ZBTB38: variants seen among roughly 807,000 people sequenced by gnomAD.
The protein encoded by ZBTB38 is zinc finger and BTB domain-containing protein 38.
In ZBTB38, 20 loss-of-function variants were observed where a neutral mutation model predicts 76.8. That is an observed-to-expected ratio of 0.26 (90% CI 0.18 to 0.38). The LOEUF is 0.38. ZBTB38 is among the 10% of genes least tolerant of loss of function. The pLI is 1.00. For synonymous variants in ZBTB38, 504 were observed against 544.2 expected, an observed-to-expected ratio of 0.93 and a Z score of 1.03; for missense variants, 1,082 against 1,482.3, an observed-to-expected ratio of 0.73 and a Z score of 4.43.
chr3:141,338,505 G>C (rs766220411), intron 1 of ZBTB38, among the ~76,000 whole-genome samples: 2 of 152,214 alleles, frequency 1.3e-5, no homozygotes, highest in Admixed American at 6.5e-5. Flanking sequence ...AACATGGATA[G>C]AGCTGGAGGC....
At chr3:141,410,981 A>G (rs1274736661) in intron 5 of ZBTB38, among the ~76,000 whole-genome samples, 1 of 152,138 alleles carries the variant, frequency 6.6e-6, no homozygotes, top group East Asian at 1.9e-4. Context: ...CCGTGAAGGC[A>G]GGCTTTGTGC....
At chr3:141,409,271 C>G (rs1315053252) in intron 5 of ZBTB38, among the ~76,000 whole-genome samples, 1 of 152,098 alleles carries the variant, frequency 6.6e-6, no homozygotes, top group African/African-American at 2.4e-5. Flanking sequence ...GTCTCAAACT[C>G]CTGACCTCAG....
intron 4 of ZBTB38, among the ~76,000 whole-genome samples, chr3:141,390,228 TTGA>T (rs1363396010): frequency 6.6e-6 from 1 of 152,204 alleles, no homozygotes; most frequent in African/African-American, 2.4e-5. Flanking sequence ...AAAATGCTTC[TTGA>T]TGATTGTAGA....
chr3:141,341,511 T>C (rs1233379034), intron 1 of ZBTB38, among the ~76,000 whole-genome samples: 1 of 152,228 alleles, frequency 6.6e-6, no homozygotes, highest in South Asian at 2.1e-4. Context: ...TGGAATATTA[T>C]TCAGGAGAAT....
intron 5 of ZBTB38, among the ~76,000 whole-genome samples, chr3:141,440,767 G>T (rs528443376): frequency 4.6e-5 from 7 of 152,142 alleles, no homozygotes; most frequent in Non-Finnish European, 8.8e-5. Flanking sequence ...TGGGTGCAGT[G>T]GCTCACACCT....
intron 1 of ZBTB38, among the ~76,000 whole-genome samples, chr3:141,343,675 A>G (rs988981658): frequency 6.6e-6 from 1 of 152,234 alleles, no homozygotes. Context: ...GGACCGACAC[A>G]GAAAATGGAC....
chr3:141,437,165 C>T (rs114802788), intron 5 of ZBTB38, among the ~76,000 whole-genome samples: 2,817 of 152,138 alleles, frequency 0.019, 45 homozygotes, highest in South Asian at 0.03. Context: ...TTTTCAAGTT[C>T]CATTCGCAGA....
chr3:141,384,596 C>T (rs1434698070), intron 3 of ZBTB38, among the ~76,000 whole-genome samples: 2 of 152,188 alleles, frequency 1.3e-5, no homozygotes, highest in African/African-American at 4.8e-5. Context: ...CACAGATGAC[C>T]GTATATTGAA....
rs370367295 is a variant in ZBTB38 at position 141,421,957 on chromosome 3, G to C, written c.-1+17926G>C. On this transcript the variant is annotated intron_variant, in intron 5 of 5. Transcript: ENST00000321464. ...TCTTGTGGACACAGCACTGTGAACT[G>C]GGGATGGGCTGTGGTCATCAAATCT... is the stretch of plus-strand genomic sequence containing the variant. Among the ~76,000 whole-genome samples, 3 of 152,200 alleles carry C rather than the reference G, an allele frequency of 2.0e-5. No individual in the cohort carries two copies. In the East Asian group the frequency reaches 5.8e-4, roughly 29 times the overall value.
intron 1 of ZBTB38, among the ~76,000 whole-genome samples, chr3:141,351,871 G>A (rs1306314218): frequency 6.6e-6 from 1 of 151,960 alleles, no homozygotes; most frequent in East Asian, 1.9e-4. Flanking sequence ...ATTTTTGAGG[G>A]GTTTTTAAAT....
In ZBTB38 at chr3:141,446,201, A is replaced by C; in HGVS notation, c.*225A>C. 1 of 354,830 alleles carries C rather than the reference A, an allele frequency of 2.8e-6. No individual in the cohort carries two copies. Among genetic ancestry groups the C allele is most frequent in the Non-Finnish European group, 5.0e-6 (1 of 199,128 alleles). The allele number at this position is 354,830 out of a possible 1,614,324, so 22.0% of individuals were successfully genotyped here. A position where few individuals can be genotyped will look rare whatever the true frequency, so the allele number is the denominator to read the frequency against. ...AAACAAAATAGCTGACTCCTCCAATATCCCAAGTTTCTTGTGAAAGTTAAT... is the reference window on the plus strand; with the variant it reads ...AAACAAAATAGCTGACTCCTCCAATCTCCCAAGTTTCTTGTGAAAGTTAAT... On this transcript the variant is annotated 3_prime_UTR_variant, in exon 6 of 6. Transcript: ENST00000321464.
rs1333045511 is a variant in ZBTB38, at chr3:141,425,431, AAAGTAG to A, written c.1-16955_1-16950del. 3.9e-5 allele frequency among the ~76,000 whole-genome samples: 6 copies of A among 152,386 alleles called. No homozygotes were observed. The South Asian group carries it at 1.0e-3, about 26-fold the overall frequency. On this transcript the variant is annotated intron_variant, in intron 5 of 5. Transcript: ENST00000321464. ...TCACATTTTTTAAGAAAATGAATTA[AAAGTAG>A]AATTTATGGAAAATACTGAATTTCC...
At position 141,447,422 on chromosome 3, in the gene ZBTB38, C is replaced by T. The variant is rs550187910; in HGVS notation, c.*1446C>T. 1.3e-5 allele frequency: 2 copies of T among 152,692 alleles called. No homozygotes were observed. The highest frequency in any genetic ancestry group is 4.2e-4 in the South Asian group (2 of 4,816). 9.5% of individuals were successfully genotyped at this position (152,692 alleles called of 1,614,324 possible). A position where few individuals can be genotyped will look rare whatever the true frequency, so the allele number is the denominator to read the frequency against. ...TTTTTTTTTTATGTTCTTTGACCCA[C>T]ACCATCAACACTACCCTCAAATCTA... On this transcript the variant is annotated 3_prime_UTR_variant, in exon 6 of 6. Coordinates refer to ENST00000321464, the MANE Select transcript of ZBTB38 (RefSeq NM_001376113.1).
rs1184627493 is a variant in ZBTB38, at chr3:141,381,318, A to T, written c.-234-107A>T. The stretch of plus-strand genomic sequence containing the variant: ...CCCACCAGAGGATTTGAGTTGGGTT[A>T]GGATGGGTTGAGATGTTGTCTACCA... On this transcript the variant is annotated intron_variant, in intron 2 of 5. Transcript: ENST00000321464. The T allele has an allele frequency of 2.0e-5, 3 of 152,280 alleles. No homozygotes were observed. In the East Asian group the frequency reaches 5.8e-4, roughly 29 times the overall value. 9.4% of individuals were successfully genotyped at this position (152,280 alleles called of 1,614,324 possible).
chr3:141,353,907 C>T (rs1281318396), intron 1 of ZBTB38, among the ~76,000 whole-genome samples: 1 of 152,118 alleles, frequency 6.6e-6, no homozygotes, highest in African/African-American at 2.4e-5. Flanking sequence ...CAAGTGTGGT[C>T]TTGCAGAACA....
rs141226243 is a variant in ZBTB38, at chr3:141,413,943, T to C, written c.-1+9912T>C. Among the ~76,000 whole-genome samples the C allele has an allele frequency of 4.1e-3, 618 of 152,314 alleles. 3 individuals carry two copies. Among genetic ancestry groups the C allele is most frequent in the African/African-American group, 0.014 (594 of 41,574 alleles). On this transcript the variant is annotated intron_variant, in intron 5 of 5. Coordinates refer to ENST00000321464, the MANE Select transcript of ZBTB38 (RefSeq NM_001376113.1). The surrounding 1 kb of genome is among the most constrained non-coding windows in gnomAD (Gnocchi z 4.1). ...TATGTCACCCAAATATATTCTGTGG[T>C]AAGGCTTCTCAACACCTGTTCTTCA...
intron 1 of ZBTB38, among the ~76,000 whole-genome samples, chr3:141,334,176 A>G (rs527452653): frequency 6.6e-6 from 1 of 152,064 alleles, no homozygotes; most frequent in South Asian, 2.1e-4. Context: ...GTTTGCATTC[A>G]GGATCATGTT....
intron 3 of ZBTB38, among the ~76,000 whole-genome samples, chr3:141,385,492 G>C (rs1401324298): frequency 6.6e-6 from 1 of 152,064 alleles, no homozygotes; most frequent in Non-Finnish European, 1.5e-5. Context: ...AATTTTGCTA[G>C]CAAGCTATGC....
At chr3:141,371,721 T>C (rs1944636320) in intron 2 of ZBTB38, among the ~76,000 whole-genome samples, 1 of 152,236 alleles carries the variant, frequency 6.6e-6, no homozygotes, top group South Asian at 2.1e-4. Flanking sequence ...TATATATGTC[T>C]AGCTTTTTAT....
Sources: gnomAD v4.1 joint callset for allele counts (sites outside exome capture counted in the v4.1 genomes callset) on GRCh38, gnomAD v4.1.1 for gene constraint, Gnocchi (gnomAD v3.1) non-coding constraint, MANE v1.5 for transcripts, NCBI Gene and HGNC (gene_info 2026-07-23, HGNC 2026-07-21) for gene names.